The following SYT5 variants were observed in gnomAD, a reference collection of about 807,000 sequenced individuals.
SYT5 encodes synaptotagmin-5.
In SYT5, 29 loss-of-function variants were observed where a neutral mutation model predicts 36.0. That is an observed-to-expected ratio of 0.81 (90% CI 0.60 to 1.10). SYT5 has a LOEUF of 1.10. Among genes scored for constraint, SYT5 ranks in the 50% least tolerant of loss-of-function variants. SYT5 has a pLI of 0.00. For missense variants in SYT5, 512 were observed against 516.0 expected, an observed-to-expected ratio of 0.99 and a Z score of 0.08; for synonymous variants, 231 against 227.6, an observed-to-expected ratio of 1.02 and a Z score of -0.14.
At position 55,173,532 on chromosome 19, in the gene SYT5, C is replaced by A; in HGVS notation, c.1113G>T (p.Trp371Cys). Reference protein sequence around the residue: ...LANPRRPIAQWHSLRPPDRVR... With the variant: ...LANPRRPIAQCHSLRPPDRVR... ...CTCGGTCCGGGGGCCGCAGCGAGTGCCACTGGGCAATGGGCCGCCGCGGGT... is the reference window on the plus strand; with the variant it reads ...CTCGGTCCGGGGGCCGCAGCGAGTGACACTGGGCAATGGGCCGCCGCGGGT... Residue 371 changes from tryptophan (W) to cysteine (C), a missense_variant, in exon 9 of 9, where the codon TGG becomes TGT. Trp to Cys is a radical substitution (Grantham distance 215). Transcript: ENST00000354308. This position sits in a 1 kb window ranked among gnomAD's most constrained non-coding sequence, Gnocchi z 5.4. 3 of 1,420,134 alleles carry A rather than the reference C, an allele frequency of 2.1e-6. No homozygotes were observed. In the South Asian group the frequency reaches 4.6e-5, roughly 22 times the overall value. The allele number at this position is 1,420,134 out of a possible 1,614,324, so 88.0% of individuals were successfully genotyped here.
chr19:55,172,060 A>G lies in SYT5; in HGVS notation c.*1424T>C, dbSNP rs2086009940. ...GCACCATTGCCCTCCATTCTGGGCA[A>G]CAACAGCGAAACTCCGTCTCAAAAT... On this transcript the variant is annotated 3_prime_UTR_variant, in exon 9 of 9. Coordinates refer to ENST00000354308, the MANE Select transcript of SYT5 (RefSeq NM_003180.3). 6.6e-6 allele frequency: 1 copy of G among 151,912 alleles called. No individual in the cohort carries two copies. Among genetic ancestry groups the G allele is most frequent in the Admixed American group, 6.6e-5 (1 of 15,188 alleles). 9.4% of individuals were successfully genotyped at this position (151,912 alleles called of 1,614,324 possible).
chr19:55,176,590 G>A (rs540766803), intron 3 of SYT5, among the ~76,000 whole-genome samples: 1 of 152,256 alleles, frequency 6.6e-6, no homozygotes, highest in South Asian at 2.1e-4. Flanking sequence ...CCTTAACCTA[G>A]GCCAGCAATT....
At chr19:55,178,170 G>A (rs201375667) in intron 3 of SYT5, 26 bp downstream of exon 3, 2 of 1,602,360 alleles carry the variant, frequency 1.2e-6, no homozygotes, top group Admixed American at 1.7e-5. Flanking sequence ...GAAGGGGCCA[G>A]GTGGAGGGGC....
Position 55,179,286 on chromosome 19 carries a change from T to C in SYT5, c.-45-200A>G, listed in dbSNP as rs1436671783. On this transcript the variant is annotated intron_variant, in intron 1 of 8. Coordinates refer to ENST00000354308, the MANE Select transcript of SYT5 (RefSeq NM_003180.3). This position sits in a 1 kb window ranked among gnomAD's most constrained non-coding sequence, Gnocchi z 4.5. ...GTTCCATCCTAAAGGGATACCCTCT[T>C]CCTCCACGGCCCCACAGGCATCCCG... 7.3e-7 allele frequency: 1 copy of C among 1,361,462 alleles called. No homozygotes were observed. The highest frequency in any genetic ancestry group is 1.5e-5 in the African/African-American group (1 of 66,364). 84.3% of individuals were successfully genotyped at this position (1,361,462 alleles called of 1,614,324 possible).
chr19:55,178,828 G>A (rs2086109099), intron 2 of SYT5, 135 bp downstream of exon 2: 2 of 724,004 alleles, frequency 2.8e-6, no homozygotes, highest in Non-Finnish European at 3.4e-6. Context: ...TCGCATTCCA[G>A]TCCAGGATGA....
intron 3 of SYT5, among the ~76,000 whole-genome samples, chr19:55,176,607 A>C (rs2086079571): frequency 6.6e-6 from 1 of 152,238 alleles, no homozygotes; most frequent in Admixed American, 6.5e-5. Flanking sequence ...AATTCTTAAA[A>C]TTCAATGTGA....
Position 55,175,109 on chromosome 19 carries a change from C to A in SYT5, c.708+63G>T. On this transcript the variant is annotated intron_variant, in intron 6 of 8. Transcript: ENST00000354308. The surrounding 1 kb of genome is among the most constrained non-coding windows in gnomAD (Gnocchi z 4.5). ...TGGAAAGCCTATGATCTGATTGGCT[C>A]AGGATGTTGTGGGCGGGACTGGGCC... 2 of 1,582,778 alleles carry A rather than the reference C, an allele frequency of 1.3e-6. No individual in the cohort carries two copies. Among genetic ancestry groups the A allele is most frequent in the Non-Finnish European group, 1.7e-6 (2 of 1,168,092 alleles).
rs1030510705 is a variant in SYT5 at position 55,175,901 on chromosome 19, G to A, written c.373-25C>T. On this transcript the variant is annotated intron_variant, in intron 4 of 8. Transcript: ENST00000354308. This position sits in a 1 kb window ranked among gnomAD's most constrained non-coding sequence, Gnocchi z 4.5. ...GCTGCAGGGCCCAGGCACAGTGGGG[G>A]AGGTGGGGAACACTAGTCTTAGCCT... is the stretch of plus-strand genomic sequence containing the variant. The A allele has an allele frequency of 2.5e-6, 4 of 1,613,776 alleles. No individual in the cohort carries two copies. The highest frequency in any genetic ancestry group is 1.3e-5 in the African/African-American group (1 of 74,910).
chr19:55,178,154 G>T, intron 3 of SYT5, 42 bp downstream of exon 3: 1 of 1,589,992 alleles, frequency 6.3e-7, no homozygotes, highest in Non-Finnish European at 8.6e-7. Flanking sequence ...GAGGAGCAGG[G>T]TGCGGGAAGG....
Position 55,175,207 on chromosome 19 carries a change from C to G in SYT5, c.673G>C (p.Ala225Pro). ...SSVDLGRPVQ[A>P]WRELQAAPRE... Reference sequence around the variant, plus strand: ...GGAGCCGCCTGCAGCTCCCGCCAGGCCTGCACTGGCCGCCCCAGGTCCACG... The same window carrying G: ...GGAGCCGCCTGCAGCTCCCGCCAGGGCTGCACTGGCCGCCCCAGGTCCACG... Residue 225 changes from alanine (A) to proline (P), a missense_variant, in exon 6 of 9, where the codon GCC (alanine) becomes CCC (proline). Coordinates refer to ENST00000354308, the MANE Select transcript of SYT5 (RefSeq NM_003180.3). The surrounding 1 kb of genome is among the most constrained non-coding windows in gnomAD (Gnocchi z 4.5). 6.2e-7 allele frequency: 1 copy of G among 1,609,986 alleles called. No homozygotes were observed. Among genetic ancestry groups the G allele is most frequent in the Non-Finnish European group, 8.5e-7 (1 of 1,178,490 alleles).
rs888637926 is a variant in SYT5 at position 55,179,280 on chromosome 19, C to CT, written c.-45-195_-45-194insA. 1 of 1,372,212 alleles carries CT rather than the reference C, an allele frequency of 7.3e-7. No homozygotes were observed. Among genetic ancestry groups the CT allele is most frequent in the African/African-American group, 1.5e-5 (1 of 66,772 alleles). The allele number at this position is 1,372,212 out of a possible 1,614,324, so 85.0% of individuals were successfully genotyped here. A position where few individuals can be genotyped will look rare whatever the true frequency, so the allele number is the denominator to read the frequency against. ...GACCTAGTTCCATCCTAAAGGGATA[C>CT]CCTCTTCCTCCACGGCCCCACAGGC... On this transcript the variant is annotated intron_variant, in intron 1 of 8. Transcript: ENST00000354308. This position sits in a 1 kb window ranked among gnomAD's most constrained non-coding sequence, Gnocchi z 4.5.
In SYT5 at chr19:55,174,647, G is replaced by A; in HGVS notation, c.830C>T (p.Pro277Leu). The change falls in exon 8 of 9, where the codon CCA (proline) becomes CTA (leucine). Residue 277 changes from proline (P) to leucine (L), a missense_variant. Physicochemically the swap from Pro to Leu is moderately conservative, Grantham distance 98. Coordinates refer to ENST00000354308, the MANE Select transcript of SYT5 (RefSeq NM_003180.3). ...CTGCAGCAGGTGGACCTTGACGTAT[G>A]GATCTGGGGAGAGGAAGGAGGAGTC... is the stretch of plus-strand genomic sequence containing the variant. ...KKMDVGGLSD[P>L]YVKVHLLQGG... is the part of the protein sequence containing the mutation. The A allele has an allele frequency of 1.9e-6, 3 of 1,614,026 alleles. No homozygotes were observed. The highest frequency in any genetic ancestry group is 2.5e-6 in the Non-Finnish European group (3 of 1,179,984).
chr19:55,175,044 A>G lies in SYT5; in HGVS notation c.709-45T>C. On this transcript the variant is annotated intron_variant, in intron 6 of 8. Coordinates refer to ENST00000354308, the MANE Select transcript of SYT5 (RefSeq NM_003180.3). The surrounding 1 kb of genome is among the most constrained non-coding windows in gnomAD (Gnocchi z 4.5). ...TCACCAGAGCCCCGGCTCCACATCC[A>G]TGCCTCCTCAGGGGTACAATCCACG... 6.2e-7 allele frequency: 1 copy of G among 1,605,886 alleles called. No homozygotes were observed. The highest frequency in any genetic ancestry group is 8.5e-7 in the Non-Finnish European group (1 of 1,177,844).
rs1357699507 is a variant in SYT5 at position 55,175,006 on chromosome 19, G to A, written c.709-7C>T. 3.1e-6 allele frequency: 5 copies of A among 1,612,066 alleles called. No homozygotes were observed. Among genetic ancestry groups the A allele is most frequent in the Non-Finnish European group, 3.4e-6 (4 of 1,179,946 alleles). On this transcript the variant is annotated splice_polypyrimidine_tract_variant and splice_region_variant and intron_variant, in intron 6 of 8. Transcript: ENST00000354308. This position sits in a 1 kb window ranked among gnomAD's most constrained non-coding sequence, Gnocchi z 4.5. Reference sequence around the variant, plus strand: ...TGTCCCCAAGCTTCTCCTGCTGAAAGGAGAGGGGCCCATCACCAGAGCCCC... The same window carrying A: ...TGTCCCCAAGCTTCTCCTGCTGAAAAGAGAGGGGCCCATCACCAGAGCCCC...
At position 55,173,059 on chromosome 19, in the gene SYT5, C is replaced by G. The variant is rs2086021876; in HGVS notation, c.*425G>C. 6.0e-6 allele frequency: 1 copy of G among 165,378 alleles called. No individual in the cohort carries two copies. The highest frequency in any genetic ancestry group is 2.4e-5 in the African/African-American group (1 of 41,992). The allele number at this position is 165,378 out of a possible 1,614,324, so 10.2% of individuals were successfully genotyped here. A position where few individuals can be genotyped will look rare whatever the true frequency, so the allele number is the denominator to read the frequency against. ...AACGAGGTTTCCTCTTGGGTCCCAG[C>G]CCTTGCCCACCCCCATCAAGGAGCA... is the stretch of plus-strand genomic sequence containing the variant. On this transcript the variant is annotated 3_prime_UTR_variant, in exon 9 of 9. Transcript: ENST00000354308. This position sits in a 1 kb window ranked among gnomAD's most constrained non-coding sequence, Gnocchi z 5.4.
Position 55,173,398 on chromosome 19 carries a change from G to T in SYT5, c.*86C>A. On this transcript the variant is annotated 3_prime_UTR_variant, in exon 9 of 9. Transcript: ENST00000354308. This position sits in a 1 kb window ranked among gnomAD's most constrained non-coding sequence, Gnocchi z 5.4. The stretch of plus-strand genomic sequence containing the variant: ...GGGTAACCGTCAGAGGAAGCTTAAG[G>T]GTGGGGCTGGCTTGGCTTTGGCCGG... 2 of 1,173,898 alleles carry T rather than the reference G, an allele frequency of 1.7e-6. No individual in the cohort carries two copies. 72.7% of individuals were successfully genotyped at this position (1,173,898 alleles called of 1,614,324 possible).
Position 55,179,310 on chromosome 19 carries a change from C to T in SYT5, c.-45-224G>A. 1 of 1,303,524 alleles carries T rather than the reference C, an allele frequency of 7.7e-7. No homozygotes were observed. Among genetic ancestry groups the T allele is most frequent in the Non-Finnish European group, 9.9e-7 (1 of 1,008,472 alleles). The allele number at this position is 1,303,524 out of a possible 1,614,324, so 80.7% of individuals were successfully genotyped here. A position where few individuals can be genotyped will look rare whatever the true frequency, so the allele number is the denominator to read the frequency against. On this transcript the variant is annotated intron_variant, in intron 1 of 8. Transcript: ENST00000354308. This position sits in a 1 kb window ranked among gnomAD's most constrained non-coding sequence, Gnocchi z 4.5. ...TTCCTCCACGGCCCCACAGGCATCC[C>T]GCTGACTTCTGCCTCGTCCTCGCCC...
Position 55,175,412 on chromosome 19 carries a change from G to A in SYT5, c.541-73C>T. The A allele has an allele frequency of 4.9e-6, 7 of 1,440,634 alleles. No homozygotes were observed. Among genetic ancestry groups the A allele is most frequent in the Non-Finnish European group, 6.4e-6 (7 of 1,089,046 alleles). 89.2% of individuals were successfully genotyped at this position (1,440,634 alleles called of 1,614,324 possible). On this transcript the variant is annotated intron_variant, in intron 5 of 8. Coordinates refer to ENST00000354308, the MANE Select transcript of SYT5 (RefSeq NM_003180.3). The surrounding 1 kb of genome is among the most constrained non-coding windows in gnomAD (Gnocchi z 4.5). ...GGGTGAGGCACAGCACAACCAGAAG[G>A]AAGGCATGGAGTGAGGCAGCGAGGG... is the stretch of plus-strand genomic sequence containing the variant.
chr19:55,178,090 G>A, intron 3 of SYT5, 106 bp downstream of exon 3: 4 of 1,303,140 alleles, frequency 3.1e-6, no homozygotes, highest in Non-Finnish European at 4.1e-6. Flanking sequence ...AGCCAGTAAG[G>A]TGGGTTCCTA....
Sources: allele counts gnomAD v4.1 joint callset (sites outside exome capture counted in the v4.1 genomes callset), GRCh38; gene constraint gnomAD v4.1.1; non-coding constraint Gnocchi (gnomAD v3.1); transcripts MANE v1.5; gene names NCBI Gene and HGNC (gene_info 2026-07-23, HGNC 2026-07-21).